The following CFAP97D2 variants were observed in gnomAD, a reference collection of about 807,000 sequenced individuals.
CFAP97D2 encodes uncharacterized protein CFAP97D2.
chr13:114,197,611 G>A (rs12583431), intron 2 of CFAP97D2, among the ~76,000 whole-genome samples: 1,740 of 152,296 alleles, frequency 0.011, 95 homozygotes, highest in Admixed American at 0.08. Flanking sequence ...AATTTATTCA[G>A]TGCAGTTCCA....
intron 4 of CFAP97D2, chr13:114,214,114 G>A (rs1333011938): frequency 1.3e-5 from 2 of 152,474 alleles, no homozygotes; most frequent in Non-Finnish European, 2.9e-5. Context: ...CTCTACCCCT[G>A]CGCACCTACT....
intron 4 of CFAP97D2, chr13:114,212,313 G>A (rs1208612922): frequency 2.7e-6 from 1 of 375,298 alleles, no homozygotes; most frequent in African/African-American, 2.1e-5. Flanking sequence ...CCACGCATTT[G>A]TTCACGAAGT....
At chr13:114,190,600 T>C (rs1225210665) in intron 1 of CFAP97D2, among the ~76,000 whole-genome samples, 1 of 152,200 alleles carries the variant, frequency 6.6e-6, no homozygotes, top group Non-Finnish European at 1.5e-5. Context: ...GTGCAAGATC[T>C]GTATAAAGAA....
intron 2 of CFAP97D2, chr13:114,199,563 G>A (rs1173832644): frequency 2.5e-5 from 1 of 40,418 alleles, no homozygotes. Flanking sequence ...TACGGTCCCC[G>A]CCGAGGCGTG....
At chr13:114,195,941 G>A (rs1046933495) in intron 1 of CFAP97D2, among the ~76,000 whole-genome samples, 10 of 151,712 alleles carry the variant, frequency 6.6e-5, no homozygotes, top group African/African-American at 2.4e-4. Flanking sequence ...AAACTAGCTG[G>A]GCATGGTGGC....
chr13:114,186,276 G>A lies in CFAP97D2; in HGVS notation c.90+6856G>A, dbSNP rs2138751416. On this transcript the variant is annotated intron_variant, in intron 1 of 4. Transcript: ENST00000646158. The surrounding 1 kb of genome is among the most constrained non-coding windows in gnomAD (Gnocchi z 4.3). ...AGACGTCAGGACAACCAGCTTCAGG[G>A]AGGAGCTACCCTCTCTACTGAGAGC... 6.6e-6 allele frequency among the ~76,000 whole-genome samples: 1 copy of A among 152,306 alleles called. No individual in the cohort carries two copies. Among genetic ancestry groups the A allele is most frequent in the Admixed American group, 6.5e-5 (1 of 15,294 alleles).
At chr13:114,204,811 CAAG>C (rs61174132) in intron 3 of CFAP97D2, among the ~76,000 whole-genome samples, 1,637 of 152,208 alleles carry the variant, frequency 0.011, 19 homozygotes, top group African/African-American at 0.037. Flanking sequence ...GAATGACAAA[CAAG>C]AAGATACATA....
intron 1 of CFAP97D2, among the ~76,000 whole-genome samples, chr13:114,195,170 G>A (rs1284818465): frequency 6.6e-6 from 1 of 152,350 alleles, no homozygotes; most frequent in East Asian, 1.9e-4. Context: ...CAGGAGCCTT[G>A]GCATTGGCCT....
chr13:114,200,602 G>C (rs2080913349), intron 3 of CFAP97D2, among the ~76,000 whole-genome samples, 159 bp downstream of exon 3: 1 of 152,224 alleles, frequency 6.6e-6, no homozygotes, highest in South Asian at 2.1e-4. Context: ...CCTTTTCCTT[G>C]GCGGATTGTG....
At chr13:114,219,717 T>C (rs2081011625) in intron 4 of CFAP97D2, among the ~76,000 whole-genome samples, 1 of 152,216 alleles carries the variant, frequency 6.6e-6, no homozygotes, top group Non-Finnish European at 1.5e-5. Context: ...CCTCCCCCAC[T>C]GCCCTGTACC....
Position 114,200,328 on chromosome 13 carries a change from G to T in CFAP97D2, c.175G>T (p.Glu59Ter), listed in dbSNP as rs1257442289. Reference sequence around the variant, plus strand: ...CAGCCTCCTTCTCTGTCCCCAGCTGGAGGAGGAACGGCTCTCCGTCATCGA... The same window carrying T: ...CAGCCTCCTTCTCTGTCCCCAGCTGTAGGAGGAACGGCTCTCCGTCATCGA... The change falls in exon 3 of 5, where the codon GAG becomes TAG. Residue 59 changes from glutamate to a stop codon, truncating the protein, a stop_gained. Transcript: ENST00000646158. LOFTEE classifies it high-confidence loss of function. The T allele has an allele frequency of 2.5e-6, 1 of 398,540 alleles. No homozygotes were observed. The highest frequency in any genetic ancestry group is 3.6e-5 in the East Asian group (1 of 28,096). The allele number at this position is 398,540 out of a possible 1,614,324, so 24.7% of individuals were successfully genotyped here.
intron 1 of CFAP97D2, among the ~76,000 whole-genome samples, chr13:114,188,896 T>G (rs1369651965): frequency 6.8e-6 from 1 of 146,900 alleles, no homozygotes; most frequent in Non-Finnish European, 1.5e-5. Context: ...TAGAGAAAAA[T>G]CAATAAAACT....
At chr13:114,181,096 G>T (rs2080830409) in intron 1 of CFAP97D2, among the ~76,000 whole-genome samples, 1 of 152,236 alleles carries the variant, frequency 6.6e-6, no homozygotes, top group African/African-American at 2.4e-5. Flanking sequence ...AAGGGGCATG[G>T]GCCGGGAACC....
intron 2 of CFAP97D2, among the ~76,000 whole-genome samples, chr13:114,198,572 T>C (rs1375527340): frequency 6.6e-6 from 1 of 152,274 alleles, no homozygotes; most frequent in Admixed American, 6.5e-5. Context: ...AGTGTTACTC[T>C]CACTTACTCC....
chr13:114,195,844 G>A (rs1319766111), intron 1 of CFAP97D2, among the ~76,000 whole-genome samples: 4 of 151,668 alleles, frequency 2.6e-5, no homozygotes, highest in Non-Finnish European at 5.9e-5. Flanking sequence ...GGCCGAGGCA[G>A]GTGGATCACA....
intron 1 of CFAP97D2, among the ~76,000 whole-genome samples, chr13:114,191,188 A>T (rs1019827112): frequency 2.0e-5 from 3 of 152,058 alleles, no homozygotes; most frequent in Admixed American, 6.5e-5. Flanking sequence ...TTTTTTTTTT[A>T]AATCAGCAAG....
chr13:114,197,976 C>CT (rs1012614632), intron 2 of CFAP97D2, among the ~76,000 whole-genome samples: 2 of 151,996 alleles, frequency 1.3e-5, no homozygotes, highest in African/African-American at 4.8e-5. Context: ...TTGTTTATTT[C>CT]TTTTTTCTTT....
At chr13:114,182,302 A>G (rs143267972) in intron 1 of CFAP97D2, among the ~76,000 whole-genome samples, 1,761 of 152,066 alleles carry the variant, frequency 0.012, 29 homozygotes, top group African/African-American at 0.033. Context: ...AGGCAGCATT[A>G]CTGCAAACAT....
At chr13:114,217,626 A>G (rs1319278264) in intron 4 of CFAP97D2, among the ~76,000 whole-genome samples, 4 of 152,244 alleles carry the variant, frequency 2.6e-5, no homozygotes, top group Non-Finnish European at 4.4e-5. Flanking sequence ...AAAATCCTCA[A>G]TAAAATACTG....
Sources: allele counts gnomAD v4.1 joint callset (sites outside exome capture counted in the v4.1 genomes callset), GRCh38; gene constraint gnomAD v4.1.1; non-coding constraint Gnocchi (gnomAD v3.1); transcripts MANE v1.5; gene names NCBI Gene and HGNC (gene_info 2026-07-23, HGNC 2026-07-21).